Variants in WWOX observed in about 807,000 individuals in gnomAD.
WWOX encodes the protein WW domain containing oxidoreductase, also known as WW domain-containing oxidoreductase.
WWOX carries 69 observed loss-of-function variants against 46.2 expected under a neutral mutation model. The ratio of observed to expected loss-of-function variants is 1.49; its 90% CI spans 1.23 to 1.82. The LOEUF (loss-of-function observed/expected upper bound fraction) is 1.82. WWOX is among the 40% of genes most tolerant of loss of function. WWOX has a pLI of 0.00. For synonymous variants in WWOX, 359 were observed against 202.6 expected (o/e 1.77, Z -6.56); for missense variants, 919 against 542.6 (o/e 1.69, Z -6.89).
intron 8 of WWOX, among the ~76,000 whole-genome samples, chr16:78,555,721 C>A (rs1004389164): frequency 6.6e-6 from 1 of 151,856 alleles, no homozygotes; most frequent in Non-Finnish European, 1.5e-5. Flanking sequence ...CCCTGCAGTT[C>A]CAAATGACTC....
intron 8 of WWOX, among the ~76,000 whole-genome samples, chr16:78,806,595 A>C (rs910593886): frequency 1.3e-5 from 2 of 152,102 alleles, no homozygotes; most frequent in South Asian, 2.1e-4. Flanking sequence ...CATTGTCTCC[A>C]TGTACCCTGA....
chr16:78,272,382 C>A (rs1026690076), intron 5 of WWOX, among the ~76,000 whole-genome samples: 1 of 152,188 alleles, frequency 6.6e-6, no homozygotes, highest in African/African-American at 2.4e-5. Flanking sequence ...AGATTTCTTA[C>A]ATGGTGGCTC....
intron 8 of WWOX, among the ~76,000 whole-genome samples, chr16:78,951,390 C>A (rs1392976734): frequency 1.3e-5 from 2 of 152,080 alleles, no homozygotes; most frequent in South Asian, 2.1e-4. Context: ...CAGTGGGTCA[C>A]ATGTAAATCA....
chr16:78,488,807 T>C (rs1021060049), intron 8 of WWOX, among the ~76,000 whole-genome samples: 1 of 152,176 alleles, frequency 6.6e-6, no homozygotes, highest in Admixed American at 6.5e-5. Flanking sequence ...TCTAATGATA[T>C]CATTATGGCA....
chr16:78,822,609 C>T (rs1267192770), intron 8 of WWOX, among the ~76,000 whole-genome samples: 1 of 152,184 alleles, frequency 6.6e-6, no homozygotes, highest in Non-Finnish European at 1.5e-5. Flanking sequence ...TAGATATTCA[C>T]TAGAACCCAG....
intron 5 of WWOX, among the ~76,000 whole-genome samples, chr16:78,225,486 A>G (rs757116420): frequency 1.1e-4 from 17 of 152,098 alleles, no homozygotes; most frequent in Non-Finnish European, 7.4e-5. Flanking sequence ...CCTGTCTTCT[A>G]TGATCTCTGC....
chr16:78,416,070 C>T (rs188058591), intron 6 of WWOX, among the ~76,000 whole-genome samples: 20 of 152,218 alleles, frequency 1.3e-4, no homozygotes, highest in African/African-American at 4.3e-4. Context: ...CCTTTTCTGC[C>T]CTTAATCACC....
intron 6 of WWOX, among the ~76,000 whole-genome samples, chr16:78,406,313 T>A (rs565956858): frequency 1.1e-3 from 51 of 48,076 alleles, no homozygotes; most frequent in East Asian, 0.01. Flanking sequence ...AATATATATA[T>A]ATATATATAT....
chr16:78,914,499 T>G (rs4888876), intron 8 of WWOX, among the ~76,000 whole-genome samples: 146,615 of 152,106 alleles, frequency 0.96, 70,923 homozygotes, highest in East Asian at 1. Flanking sequence ...TCTTATGTGA[T>G]TAACTGAATG....
chr16:78,693,879 G>T (rs1001468863), intron 8 of WWOX, among the ~76,000 whole-genome samples: 3 of 152,214 alleles, frequency 2.0e-5, no homozygotes, highest in South Asian at 4.1e-4. Context: ...AGTTGTGGTT[G>T]TAAGATTCTC....
chr16:78,939,160 A>T (rs2045802035), intron 8 of WWOX, among the ~76,000 whole-genome samples: 1 of 152,188 alleles, frequency 6.6e-6, no homozygotes, highest in Admixed American at 6.5e-5. Context: ...TGTTGCTATT[A>T]CAGATGCCTC....
At chr16:78,292,691 C>G (rs1057380489) in intron 5 of WWOX, among the ~76,000 whole-genome samples, 1 of 152,068 alleles carries the variant, frequency 6.6e-6, no homozygotes, top group Admixed American at 6.5e-5. Context: ...AATTCTGGCA[C>G]TGCTAAATAA....
intron 8 of WWOX, among the ~76,000 whole-genome samples, chr16:78,477,735 G>T (rs1003653141): frequency 3.9e-5 from 6 of 152,000 alleles, no homozygotes; most frequent in Non-Finnish European, 2.9e-5. Flanking sequence ...ACCATGTTAC[G>T]TGCGGATAAT....
At chr16:78,944,619 T>C (rs1184743949) in intron 8 of WWOX, among the ~76,000 whole-genome samples, 1 of 152,158 alleles carries the variant, frequency 6.6e-6, no homozygotes, top group Admixed American at 6.5e-5. Flanking sequence ...CATACTGGGA[T>C]CTTTGGAATG....
At chr16:78,275,580 G>A (rs545271363) in intron 5 of WWOX, among the ~76,000 whole-genome samples, 1 of 152,308 alleles carries the variant, frequency 6.6e-6, no homozygotes, top group South Asian at 2.1e-4. Flanking sequence ...TGAAAGAATA[G>A]CACAGACAAA....
chr16:78,877,072 C>A (rs1417345765), intron 8 of WWOX, among the ~76,000 whole-genome samples: 1 of 152,160 alleles, frequency 6.6e-6, no homozygotes, highest in Non-Finnish European at 1.5e-5. Flanking sequence ...CTTTTCCTTA[C>A]AAGCCCTGCC....
intron 8 of WWOX, among the ~76,000 whole-genome samples, chr16:79,201,979 C>A (rs1375464417): frequency 6.6e-6 from 1 of 152,206 alleles, no homozygotes; most frequent in African/African-American, 2.4e-5. Flanking sequence ...TGCTCTCAGT[C>A]TTTAATAACA....
intron 8 of WWOX, among the ~76,000 whole-genome samples, chr16:78,914,937 G>T (rs368488898): frequency 4.2e-4 from 64 of 151,312 alleles, no homozygotes; most frequent in Admixed American, 7.2e-4. Context: ...AGCAGGCTGT[G>T]GTCTGGCCTG....
intron 8 of WWOX, among the ~76,000 whole-genome samples, chr16:78,736,174 C>G (rs901044470): frequency 1.3e-5 from 2 of 152,216 alleles, no homozygotes; most frequent in Non-Finnish European, 2.9e-5. Flanking sequence ...CAAATGAAGT[C>G]TGGCTTCAGG....
Sources: allele counts gnomAD v4.1 joint callset (sites outside exome capture counted in the v4.1 genomes callset), GRCh38; gene constraint gnomAD v4.1.1; transcripts MANE v1.5; gene names NCBI Gene and HGNC (gene_info 2026-07-23, HGNC 2026-07-21).